ZSWIM6: variants seen among roughly 807,000 people sequenced by gnomAD.
ZSWIM6 encodes the protein zinc finger SWIM domain-containing protein 6.
Under a neutral mutation model 113.2 loss-of-function variants are expected in ZSWIM6, and 9 were observed. That is an observed-to-expected ratio of 0.08 (90% CI 0.05 to 0.14). The LOEUF (loss-of-function observed/expected upper bound fraction) is 0.14, where lower values mean the gene tolerates loss of function less well. ZSWIM6 is among the 10% of genes least tolerant of loss of function. ZSWIM6 has a pLI of 1.00. For synonymous variants in ZSWIM6, 611 were observed against 606.5 expected (o/e 1.01, Z -0.11); for missense variants, 1,162 against 1,552.2 (o/e 0.75, Z 4.22).
At chr5:61,396,155 T>C (rs1407164289) in intron 1 of ZSWIM6, among the ~76,000 whole-genome samples, 3 of 152,182 alleles carry the variant, frequency 2.0e-5, no homozygotes, top group Non-Finnish European at 4.4e-5. Flanking sequence ...TCTATTACTT[T>C]TCTTTATCAC....
At chr5:61,478,705 TTG>T (rs3067226) in intron 2 of ZSWIM6, among the ~76,000 whole-genome samples, 36,862 of 147,200 alleles carry the variant, frequency 0.25, 4,739 homozygotes, top group African/African-American at 0.34. Context: ...GTGTGTGTGT[TTG>T]TGTGTGTGTG....
At chr5:61,368,174 A>T (rs910803992) in intron 1 of ZSWIM6, among the ~76,000 whole-genome samples, 1 of 152,196 alleles carries the variant, frequency 6.6e-6, no homozygotes, top group African/African-American at 2.4e-5. Flanking sequence ...GTGAGGATTC[A>T]GTGAGATTTC....
At chr5:61,540,916 GTTTT>G (rs34749703) in intron 12 of ZSWIM6, among the ~76,000 whole-genome samples, 28 of 94,578 alleles carry the variant, frequency 3.0e-4, no homozygotes, top group South Asian at 1.5e-3. Flanking sequence ...TATTTTGTGG[GTTTT>G]TTTTTTTTTT....
chr5:61,366,355 G>A (rs1252445080), intron 1 of ZSWIM6, among the ~76,000 whole-genome samples: 2 of 152,202 alleles, frequency 1.3e-5, no homozygotes, highest in African/African-American at 4.8e-5. Context: ...ACGTTTTAGT[G>A]TGCTCCAGCA....
chr5:61,427,276 A>G lies in ZSWIM6; in HGVS notation c.677-45405A>G, dbSNP rs985687584. 7.2e-5 allele frequency among the ~76,000 whole-genome samples: 11 copies of G among 152,324 alleles called. No homozygotes were observed. In the South Asian group the frequency reaches 1.0e-3, roughly 14 times the overall value. ...ATCCTAGGATGCTTAAGTCCCTTAT[A>G]TAAAATGGCATTTGGCTATTTTATA... On this transcript the variant is annotated intron_variant, in intron 1 of 13. Transcript: ENST00000252744.
At chr5:61,500,910 G>A (rs1561266017) in intron 4 of ZSWIM6, among the ~76,000 whole-genome samples, 1 of 152,088 alleles carries the variant, frequency 6.6e-6, no homozygotes, top group Non-Finnish European at 1.5e-5. Flanking sequence ...AGAGTTGCCA[G>A]CACTAGTTTA....
intron 1 of ZSWIM6, among the ~76,000 whole-genome samples, chr5:61,366,605 T>G (rs1348466578): frequency 2.0e-5 from 3 of 152,214 alleles, no homozygotes; most frequent in Non-Finnish European, 4.4e-5. Flanking sequence ...TGTATTTAGC[T>G]TTCTAGTTTA....
At chr5:61,447,417 T>C (rs1175643196) in intron 1 of ZSWIM6, among the ~76,000 whole-genome samples, 3 of 152,166 alleles carry the variant, frequency 2.0e-5, no homozygotes, top group African/African-American at 7.2e-5. Context: ...CTTTCCTCTC[T>C]CAGTCAGTTG....
At chr5:61,523,175 C>T (rs937273401) in intron 5 of ZSWIM6, among the ~76,000 whole-genome samples, 1 of 152,182 alleles carries the variant, frequency 6.6e-6, no homozygotes, top group Non-Finnish European at 1.5e-5. Flanking sequence ...GTGTTCATAC[C>T]TGTAGTGCCC....
chr5:61,423,785 A>G (rs191289661), intron 1 of ZSWIM6, among the ~76,000 whole-genome samples: 8 of 152,354 alleles, frequency 5.3e-5, no homozygotes, highest in Admixed American at 2.6e-4. Context: ...TTGGAAGCCA[A>G]AAAGACTTCT....
chr5:61,514,237 G>T (rs1407534016), intron 4 of ZSWIM6, among the ~76,000 whole-genome samples: 4 of 150,556 alleles, frequency 2.7e-5, no homozygotes, highest in African/African-American at 9.7e-5. Flanking sequence ...TTCATATTTA[G>T]CATATATATC....
At chr5:61,420,254 A>G (rs1199922533) in intron 1 of ZSWIM6, among the ~76,000 whole-genome samples, 1 of 152,252 alleles carries the variant, frequency 6.6e-6, no homozygotes, top group Admixed American at 6.5e-5. Flanking sequence ...AGACCAGCAC[A>G]TTGTCTAATG....
intron 2 of ZSWIM6, among the ~76,000 whole-genome samples, chr5:61,487,614 A>G (rs1021140924): frequency 6.6e-6 from 1 of 151,912 alleles, no homozygotes; most frequent in African/African-American, 2.4e-5. Flanking sequence ...CTCCTTGGTT[A>G]AATTTATTCT....
At chr5:61,524,047 T>C (rs1749212499) in intron 5 of ZSWIM6, among the ~76,000 whole-genome samples, 1 of 152,244 alleles carries the variant, frequency 6.6e-6, no homozygotes, top group Non-Finnish European at 1.5e-5. Flanking sequence ...AGTCTCGTTT[T>C]AGTTTTAAAT....
chr5:61,363,047 C>T (rs567795692), intron 1 of ZSWIM6, among the ~76,000 whole-genome samples: 1 of 152,286 alleles, frequency 6.6e-6, no homozygotes, highest in Non-Finnish European at 1.5e-5. Context: ...TTCAGGAACC[C>T]ACTATTTGAA....
chr5:61,532,952 CTTTT>C (rs1293002432), intron 9 of ZSWIM6, among the ~76,000 whole-genome samples: 1 of 152,198 alleles, frequency 6.6e-6, no homozygotes, highest in African/African-American at 2.4e-5. Flanking sequence ...ACTATACTGA[CTTTT>C]GATTTCTCTT....
At chr5:61,470,931 C>T (rs934320600) in intron 1 of ZSWIM6, among the ~76,000 whole-genome samples, 1 of 152,194 alleles carries the variant, frequency 6.6e-6, no homozygotes, top group Admixed American at 6.5e-5. Flanking sequence ...CCTGGGTGGA[C>T]TCTGCATGGG....
At chr5:61,339,155 A>G (rs895403208) in intron 1 of ZSWIM6, among the ~76,000 whole-genome samples, 1 of 152,248 alleles carries the variant, frequency 6.6e-6, no homozygotes, top group African/African-American at 2.4e-5. Flanking sequence ...TAGGCAGTGT[A>G]GGAATGACAT....
At chr5:61,429,723 G>A (rs1357034045) in intron 1 of ZSWIM6, among the ~76,000 whole-genome samples, 1 of 152,126 alleles carries the variant, frequency 6.6e-6, no homozygotes, top group Non-Finnish European at 1.5e-5. Context: ...GTATTGTAGT[G>A]CAAGGTGTGG....
Sources: allele counts gnomAD v4.1 joint callset (sites outside exome capture counted in the v4.1 genomes callset), GRCh38; gene constraint gnomAD v4.1.1; transcripts MANE v1.5; gene names NCBI Gene and HGNC (gene_info 2026-07-23, HGNC 2026-07-21).